Variants in TMEM243 observed in about 807,000 individuals in gnomAD.
TMEM243 encodes the protein MDR1 and mitochondrial taxol resistance associated.
In TMEM243, 20 loss-of-function variants were observed where a neutral mutation model predicts 15.0. That is an observed-to-expected ratio of 1.33 (90% CI 0.94 to 1.93). The LOEUF (loss-of-function observed/expected upper bound fraction) is 1.93, where lower values mean the gene tolerates loss of function less well. Ranked by LOEUF, TMEM243 falls within the 30% of genes most tolerant of loss-of-function variation. TMEM243 has a pLI of 0.00. For synonymous variants in TMEM243, 72 were observed against 52.7 expected (o/e 1.37, Z -1.59); for missense variants, 156 against 142.1 (o/e 1.10, Z -0.50).
chr7:87,209,383 G>GGA (rs925733627), intron 1 of TMEM243, among the ~76,000 whole-genome samples: 1 of 151,832 alleles, frequency 6.6e-6, no homozygotes, highest in African/African-American at 2.4e-5. Flanking sequence ...GAGAGAGGTG[G>GGA]GAGAGAGACA....
intron 1 of TMEM243, among the ~76,000 whole-genome samples, chr7:87,203,607 TA>T (rs201660147): frequency 0.046 from 6,235 of 136,928 alleles, 133 homozygotes; most frequent in East Asian, 0.073. Context: ...ATGAGAATCT[TA>T]AAAAAAAAAA....
intron 1 of TMEM243, among the ~76,000 whole-genome samples, chr7:87,207,135 C>T (rs1802286210): frequency 6.6e-6 from 1 of 152,234 alleles, no homozygotes; most frequent in East Asian, 1.9e-4. Context: ...TCTCTGAGGT[C>T]CACGTTTTCC....
At chr7:87,215,397 C>A (rs1803031835) in intron 1 of TMEM243, among the ~76,000 whole-genome samples, 1 of 151,932 alleles carries the variant, frequency 6.6e-6, no homozygotes. Context: ...AGCCACCATG[C>A]CTAGTTTAAA....
intron 1 of TMEM243, among the ~76,000 whole-genome samples, 188 bp downstream of exon 1, chr7:87,219,238 G>A (rs768958335): frequency 6.6e-6 from 1 of 152,232 alleles, no homozygotes; most frequent in Middle Eastern, 3.4e-3. Flanking sequence ...AAGGCTCTTA[G>A]CCAACCATGT....
intron 1 of TMEM243, among the ~76,000 whole-genome samples, chr7:87,209,777 A>T (rs1292687048): frequency 1.4e-5 from 2 of 138,482 alleles, no homozygotes; most frequent in South Asian, 2.3e-4. Context: ...AGCGAGACAG[A>T]GCGAGACAGT....
At chr7:87,212,309 A>G (rs1192021054) in intron 1 of TMEM243, among the ~76,000 whole-genome samples, 1 of 152,206 alleles carries the variant, frequency 6.6e-6, no homozygotes, top group Non-Finnish European at 1.5e-5. Context: ...TTTCTATGGC[A>G]GCTCCAATTT....
intron 1 of TMEM243, among the ~76,000 whole-genome samples, chr7:87,202,293 TGAAAAG>T (rs1037791529): frequency 6.6e-6 from 1 of 151,892 alleles, no homozygotes; most frequent in African/African-American, 2.4e-5. Context: ...GACTAGCAGA[TGAAAAG>T]GAAAGGAAAG....
chr7:87,209,268 G>A (rs1233615254), intron 1 of TMEM243, among the ~76,000 whole-genome samples: 2 of 152,092 alleles, frequency 1.3e-5, no homozygotes, highest in African/African-American at 4.8e-5. Context: ...GGAATGTGAA[G>A]GGGAAGCAAG....
Position 87,196,768 on chromosome 7 carries a change from G to T in TMEM243, c.235-10C>A, listed in dbSNP as rs778815607. On this transcript the variant is annotated splice_polypyrimidine_tract_variant and intron_variant, in intron 3 of 3. Coordinates refer to ENST00000257637, the MANE Select transcript of TMEM243 (RefSeq NM_024315.4). ...GTCGATACCAGTAGATCTAAAAGAA[G>T]AATTAAAGTTTATAAATTAAAATTT... 1 of 1,515,566 alleles carries T rather than the reference G, an allele frequency of 6.6e-7. No homozygotes were observed. Among genetic ancestry groups the T allele is most frequent in the Non-Finnish European group, 8.9e-7 (1 of 1,120,092 alleles). 93.9% of individuals were successfully genotyped at this position (1,515,566 alleles called of 1,614,324 possible). A position where few individuals can be genotyped will look rare whatever the true frequency, so the allele number is the denominator to read the frequency against.
intron 3 of TMEM243, 96 bp from the exon 4 acceptor site, chr7:87,196,854 TGAGAC>T (rs1418764560): frequency 3.6e-6 from 3 of 826,434 alleles, no homozygotes; most frequent in Non-Finnish European, 3.7e-6. Context: ...TTCCCCTAAA[TGAGAC>T]AGACATTCTC....
In TMEM243 at chr7:87,219,457, T is replaced by C. The variant is rs1327642623; in HGVS notation, c.47A>G (p.Asn16Ser). 1.2e-6 allele frequency: 2 copies of C among 1,614,244 alleles called. No individual in the cohort carries two copies. The highest frequency in any genetic ancestry group is 1.7e-5 in the Admixed American group (1 of 60,030). ...TRTYGTSGLD[N>S]RPLFGETSAK... is the part of the protein sequence containing the mutation. ...GGACGTCTCCCCAAACAGAGGTCTG[T>C]TGTCCAGGCCACTGGTGCCGTAGGT... Residue 16 changes from asparagine (N) to serine (S), a missense_variant, in exon 1 of 4, where the codon AAC becomes AGC. Coordinates refer to ENST00000257637, the MANE Select transcript of TMEM243 (RefSeq NM_024315.4).
intron 1 of TMEM243, among the ~76,000 whole-genome samples, chr7:87,210,861 C>T (rs527238657): frequency 3.2e-4 from 48 of 152,354 alleles, no homozygotes; most frequent in African/African-American, 1.1e-3. Context: ...GAAATCTAGG[C>T]GGAGGCTCCC....
At chr7:87,217,061 CTCT>C (rs1249964290) in intron 1 of TMEM243, 1 of 152,246 alleles carries the variant, frequency 6.6e-6, no homozygotes, top group African/African-American at 2.4e-5. Flanking sequence ...ATACTCTAGA[CTCT>C]TCTCTGCTCT....
chr7:87,211,371 A>G (rs748084829), intron 1 of TMEM243, among the ~76,000 whole-genome samples: 1 of 152,196 alleles, frequency 6.6e-6, no homozygotes, highest in Non-Finnish European at 1.5e-5. Context: ...CAACACATTG[A>G]GCAGGTATTA....
At chr7:87,197,357 G>T (rs1801379772) in intron 3 of TMEM243, among the ~76,000 whole-genome samples, 1 of 152,036 alleles carries the variant, frequency 6.6e-6, no homozygotes, top group South Asian at 2.1e-4. Flanking sequence ...AAAGGAACAT[G>T]AAACAATGTA....
At chr7:87,219,775 C>G, upstream of TMEM243, 3 of 473,596 alleles carry the variant, frequency 6.3e-6, no homozygotes, top group Non-Finnish European at 1.1e-5. Context: ...AGCGGGACGC[C>G]CCCGCCCGGG....
intron 1 of TMEM243, among the ~76,000 whole-genome samples, chr7:87,218,895 C>A (rs1273811152): frequency 6.6e-6 from 1 of 152,158 alleles, no homozygotes; most frequent in East Asian, 1.9e-4. Flanking sequence ...GTAGCCTGTT[C>A]AGGTTCAGGG....
At chr7:87,217,490 T>C (rs1025089887) in intron 1 of TMEM243, among the ~76,000 whole-genome samples, 3 of 152,210 alleles carry the variant, frequency 2.0e-5, no homozygotes, top group African/African-American at 7.2e-5. Context: ...TGTGAACACA[T>C]ATGGAGGCCT....
In TMEM243 at chr7:87,219,616, C is replaced by T. The variant is rs1803358778; in HGVS notation, c.-113G>A. On this transcript the variant is annotated 5_prime_UTR_variant, in exon 1 of 4. Transcript: ENST00000257637. The stretch of plus-strand genomic sequence containing the variant: ...CCTCACGGCTCCCGCATAGCCGAAC[C>T]CGAGTGGTCGGGGAAGCGCTGGCGC... 7.2e-6 allele frequency: 7 copies of T among 974,196 alleles called. No individual in the cohort carries two copies. The highest frequency in any genetic ancestry group is 9.4e-6 in the Non-Finnish European group (6 of 635,320). 60.3% of individuals were successfully genotyped at this position (974,196 alleles called of 1,614,324 possible). A position where few individuals can be genotyped will look rare whatever the true frequency, so the allele number is the denominator to read the frequency against.
Sources: allele counts gnomAD v4.1 joint callset (sites outside exome capture counted in the v4.1 genomes callset), GRCh38; gene constraint gnomAD v4.1.1; transcripts MANE v1.5; gene names NCBI Gene and HGNC (gene_info 2026-07-23, HGNC 2026-07-21).